BLTP3B: variants seen among roughly 807,000 people sequenced by gnomAD.
BLTP3B encodes the protein UHRF1 (ICBP90) binding protein 1-like.
At chr12:100,091,796 C>T in the BLTP3B span, among the ~76,000 whole-genome samples, 4 of 150,468 alleles carry the variant, frequency 2.7e-5, no homozygotes, top group African/African-American at 7.3e-5. Flanking sequence ...TGAGCCACCT[C>T]GCCTGGCCAA....
At chr12:100,077,038 T>C in the BLTP3B span, among the ~76,000 whole-genome samples, 3 of 152,226 alleles carry the variant, frequency 2.0e-5, no homozygotes, top group Non-Finnish European at 4.4e-5. Context: ...TCCACATAAA[T>C]TTATTTAAAT....
the BLTP3B span, among the ~76,000 whole-genome samples, chr12:100,102,110 C>CTTTTTTTTTTT: frequency 2.6e-4 from 35 of 135,078 alleles, no homozygotes; most frequent in African/African-American, 9.4e-4. Flanking sequence ...CAACTTAACT[C>CTTTTTTTTTTT]TTTTTTTTTT....
chr12:100,126,483 G>T, the BLTP3B span, among the ~76,000 whole-genome samples: 1 of 151,784 alleles, frequency 6.6e-6, no homozygotes, highest in Non-Finnish European at 1.5e-5. Context: ...TATGCCAAAG[G>T]AACCACCACC....
chr12:100,076,388 CTT>C, the BLTP3B span, among the ~76,000 whole-genome samples: 5,343 of 109,982 alleles, frequency 0.049, 122 homozygotes, highest in African/African-American at 0.15. Flanking sequence ...CCTCAGCAAT[CTT>C]TTTTTTTTTT....
the BLTP3B span, among the ~76,000 whole-genome samples, chr12:100,078,277 G>A: frequency 3.8e-4 from 58 of 152,204 alleles, no homozygotes; most frequent in African/African-American, 1.3e-3. Flanking sequence ...GCCATGTGAC[G>A]TGCCTGCTCC....
the BLTP3B span, chr12:100,039,715 T>A: frequency 6.2e-7 from 1 of 1,614,058 alleles, no homozygotes; most frequent in Non-Finnish European, 8.5e-7. Context: ...AGATCATACT[T>A]TCCACTGGTC....
chr12:100,103,823 AT>A, the BLTP3B span: 1 of 1,165,376 alleles, frequency 8.6e-7, no homozygotes, highest in Non-Finnish European at 1.2e-6. Flanking sequence ...TCCAGACTAT[AT>A]TTCCATGAAA....
At chr12:100,080,361 T>G in the BLTP3B span, among the ~76,000 whole-genome samples, 73 of 152,018 alleles carry the variant, frequency 4.8e-4, 1 homozygote, top group African/African-American at 9.9e-4. Context: ...TTTTTTTTTT[T>G]TTTTGTTTTG....
At chr12:100,097,262 ATTGT>A in the BLTP3B span, 1 of 1,220,030 alleles carries the variant, frequency 8.2e-7, no homozygotes, top group Non-Finnish European at 1.1e-6. Flanking sequence ...CACCTAAGAC[ATTGT>A]TTAAAATTTC....
chr12:100,038,429 G>A, the BLTP3B span, among the ~76,000 whole-genome samples: 2 of 151,990 alleles, frequency 1.3e-5, no homozygotes, highest in Non-Finnish European at 2.9e-5. Context: ...TCCACCTCCC[G>A]GGTTCAAGTG....
the BLTP3B span, among the ~76,000 whole-genome samples, chr12:100,126,872 G>T: frequency 6.6e-6 from 1 of 152,236 alleles, no homozygotes; most frequent in South Asian, 2.1e-4. Context: ...TATGTCCTAG[G>T]TTTAGGATAA....
the BLTP3B span, among the ~76,000 whole-genome samples, chr12:100,089,259 A>G: frequency 6.6e-6 from 1 of 152,216 alleles, no homozygotes; most frequent in Admixed American, 6.5e-5. Flanking sequence ...TTACCTAAGA[A>G]TAAAACTAAA....
chr12:100,044,785 A>G, the BLTP3B span, among the ~76,000 whole-genome samples: 4 of 152,226 alleles, frequency 2.6e-5, no homozygotes, highest in Non-Finnish European at 4.4e-5. Context: ...AGGGTATTCA[A>G]TTAGGAAAAC....
chr12:100,127,064 CAA>C, the BLTP3B span, among the ~76,000 whole-genome samples: 14 of 109,546 alleles, frequency 1.3e-4, no homozygotes, highest in Admixed American at 1.9e-4. Context: ...TAAACCAGGC[CAA>C]AAAAAAAAAA....
chr12:100,098,239 G>T, the BLTP3B span: 1 of 1,187,236 alleles, frequency 8.4e-7, no homozygotes, highest in Non-Finnish European at 1.1e-6. Context: ...CCCAAAAAAA[G>T]TAATACAGAG....
At chr12:100,086,243 T>A in the BLTP3B span, 1 of 1,312,194 alleles carries the variant, frequency 7.6e-7, no homozygotes, top group Non-Finnish European at 1.0e-6. Flanking sequence ...GAAAACAACA[T>A]TTATATCTTT....
chr12:100,080,145 T>TA, the BLTP3B span, among the ~76,000 whole-genome samples: 1 of 152,182 alleles, frequency 6.6e-6, no homozygotes, highest in Admixed American at 6.5e-5. Flanking sequence ...ACAAAGTCCC[T>TA]ACTGGGGTAC....
chr12:100,070,048 A>C, the BLTP3B span: 1 of 1,388,666 alleles, frequency 7.2e-7, no homozygotes, highest in Non-Finnish European at 9.4e-7. Context: ...GAGAAAAAAC[A>C]ATGAATTTAG....
At chr12:100,128,614 C>T in the BLTP3B span, 2 of 1,283,418 alleles carry the variant, frequency 1.6e-6, no homozygotes, top group Admixed American at 4.7e-5. Flanking sequence ...GGTCCCTATT[C>T]CTGGTGAAAG....
Sources: allele counts gnomAD v4.1 joint callset (sites outside exome capture counted in the v4.1 genomes callset), GRCh38; gene constraint gnomAD v4.1.1; transcripts MANE v1.5; gene names NCBI Gene and HGNC (gene_info 2026-07-23, HGNC 2026-07-21).